The following USP45 variants were observed in gnomAD, a reference collection of about 807,000 sequenced individuals.
USP45 encodes the protein ubiquitin specific peptidase 45, also known as ubiquitin carboxyl-terminal hydrolase 45.
In USP45, 89 loss-of-function variants were observed where a neutral mutation model predicts 95.8. The ratio of observed to expected loss-of-function variants is 0.93; its 90% CI spans 0.78 to 1.11. The LOEUF is 1.11. Among genes scored for constraint, USP45 ranks in the 50% least tolerant of loss-of-function variants. The probability of loss-of-function intolerance (pLI) is 0.00; values close to 1 mark genes in which losing one functional copy is unlikely to be tolerated. For synonymous variants in USP45, 281 were observed against 316.2 expected (o/e 0.89, Z 1.18); for missense variants, 898 against 942.5 (o/e 0.95, Z 0.62).
Position 99,447,166 on chromosome 6 carries a change from G to A in USP45, c.1309-703C>T, listed in dbSNP as rs557588878. On this transcript the variant is annotated intron_variant, in intron 13 of 17. Transcript: ENST00000500704. Reference sequence around the variant, plus strand: ...TGCCATAGATCTGGAAGAAAATTACGGGAAAAAAATAACCTAAGTTTGGGA... The same window carrying A: ...TGCCATAGATCTGGAAGAAAATTACAGGAAAAAAATAACCTAAGTTTGGGA... Among the ~76,000 whole-genome samples, 44 of 151,494 alleles carry A rather than the reference G, an allele frequency of 2.9e-4. 2 individuals are homozygous for A. Among genetic ancestry groups the A allele is most frequent in the Admixed American group, 2.6e-3 (39 of 15,242 alleles).
chr6:99,466,048 G>A (rs1427433208), intron 11 of USP45, among the ~76,000 whole-genome samples: 1 of 150,632 alleles, frequency 6.6e-6, no homozygotes. Context: ...ACTGAGTCTC[G>A]CTCTGTCACC....
chr6:99,451,980 T>G (rs913761824), intron 13 of USP45, among the ~76,000 whole-genome samples: 12 of 152,338 alleles, frequency 7.9e-5, no homozygotes, highest in Non-Finnish European at 1.3e-4. Context: ...TAGCCATATG[T>G]AGAAAGCTGA....
chr6:99,489,866 A>G (rs1468241106), intron 5 of USP45, among the ~76,000 whole-genome samples: 3 of 152,106 alleles, frequency 2.0e-5, no homozygotes, highest in African/African-American at 7.2e-5. Context: ...CATGAGAATC[A>G]CTTGAACCTG....
At chr6:99,447,287 T>C (rs1782745303) in intron 13 of USP45, among the ~76,000 whole-genome samples, 1 of 152,186 alleles carries the variant, frequency 6.6e-6, no homozygotes, top group South Asian at 2.1e-4. Context: ...TTTCTTTTCC[T>C]ATACCTTGGC....
intron 8 of USP45, 86 bp from the exon 9 acceptor site, chr6:99,476,316 A>G (rs1790851224): frequency 1.5e-6 from 2 of 1,334,722 alleles, no homozygotes; most frequent in Non-Finnish European, 2.1e-6. Context: ...CACTTGAAAT[A>G]GCATATTATT....
At chr6:99,476,276 C>T in intron 8 of USP45, 46 bp from the exon 9 acceptor site, 1 of 1,556,752 alleles carries the variant, frequency 6.4e-7, no homozygotes, top group Non-Finnish European at 8.8e-7. Flanking sequence ...AATAATCATT[C>T]CATGGTTCAT....
Position 99,434,331 on chromosome 6 carries a change from TCTTATC to T in USP45, c.*1379_*1384del, listed in dbSNP as rs1195463520. On this transcript the variant is annotated 3_prime_UTR_variant, in exon 18 of 18. Coordinates refer to ENST00000500704, the MANE Select transcript of USP45 (RefSeq NM_001346022.3). ...TCCATACCTTATCTGCAGCCACTAT[TCTTATC>T]CTTTCTTCCCAGGAGGAGAATGAAG... is the stretch of plus-strand genomic sequence containing the variant. 6.6e-6 allele frequency: 1 copy of T among 152,316 alleles called. No homozygotes were observed. The highest frequency in any genetic ancestry group is 1.9e-4 in the East Asian group (1 of 5,194). 9.4% of individuals were successfully genotyped at this position (152,316 alleles called of 1,614,324 possible). A position where few individuals can be genotyped will look rare whatever the true frequency, so the allele number is the denominator to read the frequency against.
At position 99,497,031 on chromosome 6, in the gene USP45, T is replaced by C. The variant is rs534846267; in HGVS notation, c.478+6734A>G. Reference sequence around the variant, plus strand: ...GAATGACATGGATCCAGCATTATAGTATCATACAGAGTAGTTTTATTGCCC... The same window carrying C: ...GAATGACATGGATCCAGCATTATAGCATCATACAGAGTAGTTTTATTGCCC... On this transcript the variant is annotated intron_variant, in intron 5 of 17. Coordinates refer to ENST00000500704, the MANE Select transcript of USP45 (RefSeq NM_001346022.3). 2.6e-5 allele frequency among the ~76,000 whole-genome samples: 4 copies of C among 152,304 alleles called. No homozygotes were observed. The South Asian group carries it at 6.2e-4, about 24-fold the overall frequency.
intron 5 of USP45, among the ~76,000 whole-genome samples, chr6:99,503,326 A>ATT (rs201520980): frequency 3.8e-4 from 55 of 144,138 alleles, no homozygotes; most frequent in Middle Eastern, 7.4e-3. Context: ...GATACTCATA[A>ATT]TTTTTTTTTT....
intron 5 of USP45, among the ~76,000 whole-genome samples, chr6:99,502,808 A>G (rs1005984553): frequency 6.6e-6 from 1 of 152,168 alleles, no homozygotes; most frequent in East Asian, 1.9e-4. Context: ...TAGTTGTTCA[A>G]AAGTGTGTAC....
chr6:99,476,053 A>C, intron 9 of USP45, 90 bp downstream of exon 9: 1 of 1,199,462 alleles, frequency 8.3e-7, no homozygotes, highest in Non-Finnish European at 1.2e-6. Flanking sequence ...CTGACCTCAG[A>C]TGATCCACCC....
chr6:99,516,561 C>A (rs1801125601), upstream of USP45, among the ~76,000 whole-genome samples: 1 of 152,188 alleles, frequency 6.6e-6, no homozygotes, highest in Non-Finnish European at 1.5e-5. Context: ...AAGGACCATT[C>A]ATTTAACAAA....
chr6:99,460,411 G>GGA (rs1786137126), intron 13 of USP45, among the ~76,000 whole-genome samples: 1 of 152,058 alleles, frequency 6.6e-6, no homozygotes, highest in African/African-American at 2.4e-5. Flanking sequence ...AGAGTAAATT[G>GGA]AGCCAACACC....
rs1562286563 is a variant in USP45 at position 99,435,310 on chromosome 6, A to T, written c.*406T>A. ...ACAAAAGGCTAAAAATATATTTTTT[A>T]AAATAACCATGATATAGAATATGTG... On this transcript the variant is annotated 3_prime_UTR_variant, in exon 18 of 18. Transcript: ENST00000500704. 1 of 153,330 alleles carries T rather than the reference A, an allele frequency of 6.5e-6. No homozygotes were observed. Among genetic ancestry groups the T allele is most frequent in the African/African-American group, 2.4e-5 (1 of 41,504 alleles). The allele number at this position is 153,330 out of a possible 1,614,324, so 9.5% of individuals were successfully genotyped here.
At chr6:99,440,908 A>T (rs1458330071) in intron 15 of USP45, among the ~76,000 whole-genome samples, 1 of 152,192 alleles carries the variant, frequency 6.6e-6, no homozygotes, top group Admixed American at 6.5e-5. Flanking sequence ...CTCAATCAGT[A>T]CTTTGCTGTT....
intron 14 of USP45, among the ~76,000 whole-genome samples, chr6:99,445,415 G>A (rs1379434998): frequency 1.3e-5 from 2 of 151,682 alleles, no homozygotes; most frequent in Admixed American, 1.3e-4. Context: ...CTCAGGAGGT[G>A]GAGGTTGCAG....
At chr6:99,487,405 G>A (rs1247556484) in intron 7 of USP45, among the ~76,000 whole-genome samples, 1 of 152,066 alleles carries the variant, frequency 6.6e-6, no homozygotes, top group Non-Finnish European at 1.5e-5. Flanking sequence ...CTAACTGTTG[G>A]TGCCAGGCCA....
At chr6:99,487,633 C>CAAAAAAAAAAAAA (rs11335830) in intron 7 of USP45, among the ~76,000 whole-genome samples, 4 of 106,388 alleles carry the variant, frequency 3.8e-5, no homozygotes, top group Non-Finnish European at 3.7e-5. Context: ...ACTAAAAATA[C>CAAAAAAAAAAAAA]AAAAAAAAAA....
At position 99,510,155 on chromosome 6, in the gene USP45, T is replaced by C. The variant is rs1338871902; in HGVS notation, c.66A>G (p.Val22=). Residue 22 remains valine (V), a synonymous_variant, in exon 2 of 18, where the codon GTA becomes GTG. Coordinates refer to ENST00000500704, the MANE Select transcript of USP45 (RefSeq NM_001346022.3). The stretch of plus-strand genomic sequence containing the variant: ...CATCTGAAGAGTCTTCATCATGAGG[T>C]ACAGTAGGCCTTTTACTTCTTTTGG... ...EKAKRSKRPT[V]PHDEDSSDDI... is the part of the protein sequence containing the mutation. 6.2e-7 allele frequency: 1 copy of C among 1,613,926 alleles called. No individual in the cohort carries two copies. Among genetic ancestry groups the C allele is most frequent in the South Asian group, 1.1e-5 (1 of 91,060 alleles).
Sources: gnomAD v4.1 joint callset for allele counts (sites outside exome capture counted in the v4.1 genomes callset) on GRCh38, gnomAD v4.1.1 for gene constraint, MANE v1.5 for transcripts, NCBI Gene and HGNC (gene_info 2026-07-23, HGNC 2026-07-21) for gene names.